The following DACH2 variants were observed in gnomAD, a reference collection of about 807,000 sequenced individuals.
DACH2 encodes dachshund family transcription factor 2, also known as dachshund homolog 2.
DACH2 carries 17 observed loss-of-function variants against 35.8 expected under a neutral mutation model. The ratio of observed to expected loss-of-function variants is 0.48; its 90% confidence interval spans 0.33 to 0.71. DACH2 has a LOEUF of 0.71. DACH2 is among the 30% of genes least tolerant of loss of function. DACH2 has a pLI of 0.02. For missense variants in DACH2, 469 were observed against 472.7 expected (o/e 0.99, Z 0.07); for synonymous variants, 195 against 177.3 (o/e 1.10, Z -0.79).
At position 86,577,020 on chromosome X, in the gene DACH2, T is replaced by C. The variant is rs1336870618; in HGVS notation, c.640+62629T>C. On this transcript the variant is annotated intron_variant, in intron 3 of 11. Transcript: ENST00000373125. ...CAAAAAACTACTTTTCTTTATTAAT[T>C]ACCCAATCTCAGGTATTCATTTATT... 3.6e-5 allele frequency among the ~76,000 whole-genome samples: 4 copies of C among 112,032 alleles called. No homozygotes were observed. The East Asian group carries it at 1.1e-3, about 31-fold the overall frequency.
rs374767327 is a variant in DACH2, at chrX:86,552,358, A to G, written c.640+37967A>G. Among the ~76,000 whole-genome samples, 30 of 111,705 alleles carry G rather than the reference A, an allele frequency of 2.7e-4. No homozygotes were observed. The East Asian group carries it at 2.8e-3, about 11-fold the overall frequency. ...TCCATGCTAAAACAGCCATAAAGTAAAACATCATGTACCTCAGTTTTTTCC... is the reference window on the plus strand; with the variant it reads ...TCCATGCTAAAACAGCCATAAAGTAGAACATCATGTACCTCAGTTTTTTCC... On this transcript the variant is annotated intron_variant, in intron 3 of 11. Transcript: ENST00000373125.
chrX:86,376,997 T>G (rs1481664470), intron 2 of DACH2, 135 bp downstream of exon 2: 1 of 310,787 alleles, frequency 3.2e-6, no homozygotes. Context: ...ATTTGAAATT[T>G]TCAGCAGCAA....
At position 86,746,049 on chromosome X, in the gene DACH2, T is replaced by G. The variant is rs140145431; in HGVS notation, c.1240+6167T>G. On this transcript the variant is annotated intron_variant, in intron 7 of 11. Transcript: ENST00000373125. ...GTATGCCTTCTTTTGAAAAGTCTGT[T>G]CATGTCCTTCGTCCACTTTTTAATG... Among the ~76,000 whole-genome samples the G allele has an allele frequency of 1.9e-3, 212 of 111,906 alleles. 7 individuals are homozygous for G. In the East Asian group the frequency reaches 0.056, roughly 30 times the overall value.
chrX:86,181,259 A>G (rs1273993805), intron 1 of DACH2, among the ~76,000 whole-genome samples: 1 of 109,764 alleles, frequency 9.1e-6, no homozygotes, highest in African/African-American at 3.3e-5. Flanking sequence ...ATAGGTCTAC[A>G]CATGCCATGG....
intron 5 of DACH2, among the ~76,000 whole-genome samples, chrX:86,702,196 G>A (rs1374514873): frequency 9.0e-6 from 1 of 111,398 alleles, no homozygotes; most frequent in Non-Finnish European, 1.9e-5. Context: ...ATAAAATCAA[G>A]ATGGAAATTT....
chrX:86,489,443 A>G (rs1470813465), intron 2 of DACH2, among the ~76,000 whole-genome samples: 1 of 111,330 alleles, frequency 9.0e-6, no homozygotes, highest in Non-Finnish European at 1.9e-5. Context: ...AATATAAATT[A>G]TAGATTTTTT....
intron 5 of DACH2, among the ~76,000 whole-genome samples, chrX:86,713,105 T>C (rs910873622): frequency 1.8e-5 from 2 of 111,666 alleles, no homozygotes; most frequent in Non-Finnish European, 1.9e-5. Context: ...CCTTTGTACT[T>C]TCTTGTTAAC....
chrX:86,555,698 A>G (rs1034887405), intron 3 of DACH2, among the ~76,000 whole-genome samples: 3 of 111,700 alleles, frequency 2.7e-5, no homozygotes, highest in African/African-American at 9.7e-5. Flanking sequence ...CTTTGTTTAA[A>G]TAGTGAAAAC....
At chrX:86,651,763 G>A (rs1013948146) in intron 4 of DACH2, among the ~76,000 whole-genome samples, 3 of 110,471 alleles carry the variant, frequency 2.7e-5, no homozygotes, top group Non-Finnish European at 5.6e-5. Context: ...CGTGATCATT[G>A]TACCTTGGCC....
At chrX:86,378,975 T>A (rs889268354) in intron 2 of DACH2, among the ~76,000 whole-genome samples, 2 of 111,335 alleles carry the variant, frequency 1.8e-5, no homozygotes, top group Non-Finnish European at 3.8e-5. Flanking sequence ...TTTGCTTTCC[T>A]GTTATCAGTG....
At chrX:86,827,813 G>A (rs747804153) in intron 11 of DACH2, 19 of 1,157,935 alleles carry the variant, frequency 1.6e-5, no homozygotes, top group Non-Finnish European at 2.0e-5. Flanking sequence ...CACGAATAGG[G>A]TGCTGTAGCA....
chrX:86,280,171 G>T (rs891774601), intron 1 of DACH2, among the ~76,000 whole-genome samples: 1 of 111,197 alleles, frequency 9.0e-6, no homozygotes, highest in African/African-American at 3.3e-5. Context: ...CAAGGTTGAA[G>T]TGAAGGAAGA....
At chrX:86,514,179 G>T in intron 2 of DACH2, 100 bp from the exon 3 acceptor site, 1 of 726,293 alleles carries the variant, frequency 1.4e-6, no homozygotes, top group South Asian at 2.7e-5. Flanking sequence ...TATCACTTTT[G>T]GCAATTAAAC....
At chrX:86,546,351 T>TTCC (rs1396082905) in intron 3 of DACH2, among the ~76,000 whole-genome samples, 749 of 63,171 alleles carry the variant, frequency 0.012, 14 homozygotes, top group African/African-American at 0.049. Context: ...CTTCTTCTTC[T>TTCC]TCTTCCTCTT....
At chrX:86,525,555 C>T (rs2038619592) in intron 3 of DACH2, among the ~76,000 whole-genome samples, 1 of 111,460 alleles carries the variant, frequency 9.0e-6, no homozygotes, top group African/African-American at 3.3e-5. Context: ...TAAATTGTTC[C>T]TTGTGACAAT....
Position 86,149,014 on chromosome X carries a change from C to T in DACH2, c.394C>T (p.Arg132Cys). The change falls in exon 1 of 12, where the codon CGC (arginine) becomes TGC (cysteine). Residue 132 changes from arginine (R) to cysteine (C), a missense_variant. Physicochemically the swap from Arg to Cys is radical, Grantham distance 180. Coordinates refer to ENST00000373125, the MANE Select transcript of DACH2 (RefSeq NM_053281.3). ...VCTVEQVRIL[R>C]GLGAIQPGVN... is the part of the protein sequence containing the mutation. ...TACTGTTGAGCAGGTCCGGATCCTC[C>T]GCGGGCTGGGGGCCATCCAGCCCGG... is the stretch of plus-strand genomic sequence containing the variant. 1 of 1,210,814 alleles carries T rather than the reference C, an allele frequency of 8.3e-7. No homozygotes were observed. The highest frequency in any genetic ancestry group is 1.1e-6 in the Non-Finnish European group (1 of 894,956).
At chrX:86,506,600 G>T (rs896773690) in intron 2 of DACH2, among the ~76,000 whole-genome samples, 1 of 110,431 alleles carries the variant, frequency 9.1e-6, no homozygotes, top group Non-Finnish European at 1.9e-5. Flanking sequence ...TTGCTATGTT[G>T]CGCAGGCTCG....
intron 1 of DACH2, among the ~76,000 whole-genome samples, chrX:86,161,617 A>G (rs914448239): frequency 8.9e-6 from 1 of 112,387 alleles, no homozygotes; most frequent in South Asian, 3.7e-4. Flanking sequence ...GCTTGCAATT[A>G]AGAAAAGGAA....
intron 1 of DACH2, among the ~76,000 whole-genome samples, chrX:86,306,241 A>G (rs2034685064): frequency 1.8e-5 from 2 of 112,374 alleles, no homozygotes; most frequent in Admixed American, 9.5e-5. Flanking sequence ...TAGTATTTAT[A>G]AACAATGGAA....
Sources: gnomAD v4.1 joint callset for allele counts (sites outside exome capture counted in the v4.1 genomes callset) on GRCh38, gnomAD v4.1.1 for gene constraint, MANE v1.5 for transcripts, NCBI Gene and HGNC (gene_info 2026-07-23, HGNC 2026-07-21) for gene names.